The following ARMC9 variants were observed in gnomAD, a reference collection of about 807,000 sequenced individuals.
ARMC9 encodes the protein armadillo repeat containing 9.
In ARMC9, 94 loss-of-function variants were observed where a neutral mutation model predicts 107.0. That is an observed-to-expected ratio of 0.88 (90% CI 0.74 to 1.04). The LOEUF (loss-of-function observed/expected upper bound fraction) is 1.04. ARMC9 is among the 50% of genes least tolerant of loss of function. ARMC9 has a pLI of 0.00. For missense variants in ARMC9, 942 were observed against 1,030.1 expected (o/e 0.91, Z 1.17); for synonymous variants, 380 against 396.9 (o/e 0.96, Z 0.51).
At chr2:231,337,286 A>ATTT (rs1423365679) in intron 20 of ARMC9, among the ~76,000 whole-genome samples, 18 of 59,718 alleles carry the variant, frequency 3.0e-4, no homozygotes, top group African/African-American at 9.8e-4. Context: ...ATATATATAT[A>ATTT]TATATTTTTT....
At chr2:231,264,624 A>C (rs938882630) in intron 12 of ARMC9, among the ~76,000 whole-genome samples, 1 of 152,018 alleles carries the variant, frequency 6.6e-6, no homozygotes, top group Non-Finnish European at 1.5e-5. Flanking sequence ...CAGCCTCCCA[A>C]GTAGCTGGGA....
intron 19 of ARMC9, among the ~76,000 whole-genome samples, chr2:231,324,549 C>G (rs780267133): frequency 6.7e-6 from 1 of 149,630 alleles, no homozygotes; most frequent in African/African-American, 2.5e-5. Flanking sequence ...GTTGGGAGTT[C>G]GAGACCAGCC....
At chr2:231,262,263 G>A (rs1244066906) in intron 11 of ARMC9, 43 bp from the exon 12 acceptor site, 8 of 1,590,040 alleles carry the variant, frequency 5.0e-6, no homozygotes, top group Non-Finnish European at 6.9e-6. Context: ...TTTTCTCCAT[G>A]ATAAGACTTA....
At position 231,276,704 on chromosome 2, in the gene ARMC9, C is replaced by G. The variant is rs2039789695; in HGVS notation, c.1403C>G (p.Pro468Arg). 2.5e-6 allele frequency: 4 copies of G among 1,614,160 alleles called. No individual in the cohort carries two copies. Among genetic ancestry groups the G allele is most frequent in the Non-Finnish European group, 3.4e-6 (4 of 1,180,038 alleles). ...IFWLVDVLKD[P>R]DCLSDYTLEY... Reference sequence around the variant, plus strand: ...TGGCTGGTTGATGTTCTGAAGGACCCTGACTGCCTGTCTGACTACACGCTG... The same window carrying G: ...TGGCTGGTTGATGTTCTGAAGGACCGTGACTGCCTGTCTGACTACACGCTG... Residue 468 changes from proline (P) to arginine (R), a missense_variant, in exon 15 of 25, where the codon CCT becomes CGT. Pro to Arg is a moderately radical substitution (Grantham distance 103, BLOSUM62 -2). Transcript: ENST00000611582.
intron 11 of ARMC9, among the ~76,000 whole-genome samples, chr2:231,260,071 A>G (rs777214045): frequency 6.6e-6 from 1 of 152,354 alleles, no homozygotes; most frequent in East Asian, 1.9e-4. Context: ...ATAATAAATG[A>G]CATGTTAACA....
chr2:231,343,294 G>A (rs1478751590), intron 20 of ARMC9, among the ~76,000 whole-genome samples: 5 of 151,180 alleles, frequency 3.3e-5, no homozygotes, highest in Non-Finnish European at 7.4e-5. Flanking sequence ...AATCCCGTAG[G>A]CACTGGCCCT....
intron 21 of ARMC9, among the ~76,000 whole-genome samples, chr2:231,353,978 TATACACACAC>T (rs1017796431): frequency 1.0e-4 from 14 of 138,304 alleles, no homozygotes; most frequent in African/African-American, 4.4e-4. Flanking sequence ...TATATGTATA[TATACACACAC>T]ACACACACAC....
intron 1 of ARMC9, among the ~76,000 whole-genome samples, chr2:231,199,320 A>G (rs1368597964): frequency 2.6e-5 from 4 of 152,262 alleles, no homozygotes; most frequent in Admixed American, 6.5e-5. Context: ...AAAGTCACTC[A>G]GGGAGCTTGT....
chr2:231,281,073 A>G (rs1198012334), intron 16 of ARMC9, among the ~76,000 whole-genome samples: 3 of 152,188 alleles, frequency 2.0e-5, no homozygotes, highest in Admixed American at 6.5e-5. Flanking sequence ...AGCACCTGCC[A>G]TGCTCCATGT....
chr2:231,205,619 T>C (rs1303593069), intron 1 of ARMC9, among the ~76,000 whole-genome samples: 1 of 152,204 alleles, frequency 6.6e-6, no homozygotes, highest in Admixed American at 6.5e-5. Flanking sequence ...GAGTTTCTTT[T>C]GACTTTAGCC....
intron 7 of ARMC9, 123 bp from the exon 8 acceptor site, chr2:231,235,101 T>C: frequency 1.3e-5 from 13 of 1,019,834 alleles, no homozygotes; most frequent in Non-Finnish European, 1.8e-5. Context: ...ACACAAGTAG[T>C]GTCCAGTTTA....
intron 7 of ARMC9, among the ~76,000 whole-genome samples, chr2:231,234,553 G>A (rs2035537741): frequency 6.6e-6 from 1 of 152,156 alleles, no homozygotes; most frequent in Non-Finnish European, 1.5e-5. Flanking sequence ...CAGAGAAAAA[G>A]ACACAGGTTT....
rs537247013 is a variant in ARMC9 at position 231,208,155 on chromosome 2, C to A, written c.80C>A (p.Thr27Asn). ...EYLDFAEFED[T>N]LKTFSKECKI... is the part of the protein sequence containing the mutation. ...TTAGATTTTGCTGAATTTGAAGACACCTTGAAAACATTTTCAAAAGAATGC... is the reference window on the plus strand; with the variant it reads ...TTAGATTTTGCTGAATTTGAAGACAACTTGAAAACATTTTCAAAAGAATGC... Residue 27 changes from threonine to asparagine, a missense_variant, in exon 3 of 25, where the codon ACC (threonine) becomes AAC (asparagine). By Grantham distance (65) the Thr-to-Asn change is moderately conservative. Transcript: ENST00000611582. 10 of 1,579,708 alleles carry A rather than the reference C, an allele frequency of 6.3e-6. No homozygotes were observed. The South Asian group carries it at 1.1e-4, about 18-fold the overall frequency.
chr2:231,288,834 C>G (rs771829858), intron 17 of ARMC9: 5 of 400,576 alleles, frequency 1.2e-5, no homozygotes, highest in South Asian at 3.9e-5. Context: ...GGACTTTCAC[C>G]TAGTCAGACA....
At position 231,262,286 on chromosome 2, in the gene ARMC9, T is replaced by A. The variant is rs772215167; in HGVS notation, c.1027-20T>A. On this transcript the variant is annotated intron_variant, in intron 11 of 24. Coordinates refer to ENST00000611582, the MANE Select transcript of ARMC9 (RefSeq NM_001352754.2). ...ATGATAAGACTTAGGTCTCACTACTTTTGTTTTTCTTTGCTCCAGCGCTTG... is the reference window on the plus strand; with the variant it reads ...ATGATAAGACTTAGGTCTCACTACTATTGTTTTTCTTTGCTCCAGCGCTTG... The A allele has an allele frequency of 6.2e-7, 1 of 1,612,782 alleles. No individual in the cohort carries two copies. Among genetic ancestry groups the A allele is most frequent in the South Asian group, 1.1e-5 (1 of 91,056 alleles).
intron 8 of ARMC9, among the ~76,000 whole-genome samples, chr2:231,239,133 C>T (rs1308716788): frequency 6.6e-6 from 1 of 152,126 alleles, no homozygotes; most frequent in Non-Finnish European, 1.5e-5. Context: ...TAGTCATTAT[C>T]CGCAGGGATT....
intron 9 of ARMC9, among the ~76,000 whole-genome samples, chr2:231,241,592 G>A (rs2036309919): frequency 6.6e-6 from 1 of 152,018 alleles, no homozygotes; most frequent in Non-Finnish European, 1.5e-5. Flanking sequence ...TAGTATTAGA[G>A]TCTTAATAAA....
At chr2:231,238,211 AAAAG>A (rs1471696738) in intron 8 of ARMC9, among the ~76,000 whole-genome samples, 3 of 152,170 alleles carry the variant, frequency 2.0e-5, no homozygotes, top group Non-Finnish European at 4.4e-5. Context: ...TCTAGGGTGA[AAAAG>A]AAGAAGAAGA....
chr2:231,355,131 G>C (rs955442532), intron 21 of ARMC9, among the ~76,000 whole-genome samples: 4 of 152,184 alleles, frequency 2.6e-5, no homozygotes, highest in Admixed American at 6.5e-5. Flanking sequence ...TTGAGCCCAG[G>C]AGTTCGAGAC....
Sources: allele counts gnomAD v4.1 joint callset (sites outside exome capture counted in the v4.1 genomes callset), GRCh38; gene constraint gnomAD v4.1.1; transcripts MANE v1.5; gene names NCBI Gene and HGNC (gene_info 2026-07-23, HGNC 2026-07-21).